The following COG6 variants were observed in gnomAD, a reference collection of about 807,000 sequenced individuals.
The protein encoded by COG6 is component of oligomeric golgi complex 6, also known as conserved oligomeric Golgi complex subunit 6.
In COG6, 74 loss-of-function variants were observed where a neutral mutation model predicts 88.8. That is an observed-to-expected ratio of 0.83 (90% CI 0.69 to 1.01). COG6 has a LOEUF of 1.01. Among genes scored for constraint, COG6 ranks in the 50% least tolerant of loss-of-function variants. The probability of loss-of-function intolerance (pLI) is 0.00; values close to 1 mark genes in which losing one functional copy is unlikely to be tolerated. For missense variants in COG6, 800 were observed against 797.9 expected (o/e 1.00, Z -0.03); for synonymous variants, 286 against 278.7 (o/e 1.03, Z -0.26).
Position 39,731,087 on chromosome 13 carries a change from T to C in COG6, c.1826+3539T>C, listed in dbSNP as rs116270937. Among the ~76,000 whole-genome samples the C allele has an allele frequency of 7.8e-3, 1,183 of 152,160 alleles. 22 individuals carry two copies. The highest frequency in any genetic ancestry group is 0.027 in the African/African-American group (1,130 of 41,532). On this transcript the variant is annotated intron_variant, in intron 18 of 18. Coordinates refer to ENST00000455146, the MANE Select transcript of COG6 (RefSeq NM_020751.3). ...ATACACCTGCCTTGACCTCCCAAAGTGCTGGGGTGACAGGCTTGATAGCAC... is the reference window on the plus strand; with the variant it reads ...ATACACCTGCCTTGACCTCCCAAAGCGCTGGGGTGACAGGCTTGATAGCAC...
intron 18 of COG6, among the ~76,000 whole-genome samples, chr13:39,746,543 C>T (rs1593470036): frequency 6.6e-6 from 1 of 152,244 alleles, no homozygotes; most frequent in East Asian, 1.9e-4. Context: ...ATTTGTTGGT[C>T]ATTTTGGATT....
chr13:39,752,283 T>C lies in COG6; in HGVS notation c.*1190T>C. On this transcript the variant is annotated 3_prime_UTR_variant, in exon 19 of 19. Transcript: ENST00000455146. The stretch of plus-strand genomic sequence containing the variant: ...AGTAATAACATAAAACTAGTATTTG[T>C]AGAAGATTATGTGTTGTATATAACA... The C allele has an allele frequency of 1.1e-6, 1 of 881,508 alleles. No individual in the cohort carries two copies. 54.6% of individuals were successfully genotyped at this position (881,508 alleles called of 1,614,324 possible). A position where few individuals can be genotyped will look rare whatever the true frequency, so the allele number is the denominator to read the frequency against.
At chr13:39,773,937 A>T (rs1034401187) in intron 18 of COG6, among the ~76,000 whole-genome samples, 1 of 151,188 alleles carries the variant, frequency 6.6e-6, no homozygotes, top group African/African-American at 2.4e-5. Flanking sequence ...TTAATCATAC[A>T]AGGGAATGTG....
At position 39,655,872 on chromosome 13, in the gene COG6, A is replaced by G; in HGVS notation, c.146A>G (p.Asn49Ser). 1 of 1,607,158 alleles carries G rather than the reference A, an allele frequency of 6.2e-7. No individual in the cohort carries two copies. Residue 49 changes from asparagine (N) to serine (S), a missense_variant, in exon 1 of 19, where the codon AAC becomes AGC. Physicochemically the swap from Asn to Ser is conservative, Grantham distance 46 (BLOSUM62 1). Coordinates refer to ENST00000455146, the MANE Select transcript of COG6 (RefSeq NM_020751.3). ...LHKILETRLD[N>S]DKEMLEALKA... Reference sequence around the variant, plus strand: ...AAGATCCTGGAGACGCGGCTGGACAACGACAAGGTAACCGGGGCTGGCGGG... The same window carrying G: ...AAGATCCTGGAGACGCGGCTGGACAGCGACAAGGTAACCGGGGCTGGCGGG...
At chr13:39,785,705 T>C (rs892562335) in intron 18 of COG6, among the ~76,000 whole-genome samples, 11 of 152,216 alleles carry the variant, frequency 7.2e-5, no homozygotes, top group Non-Finnish European at 8.8e-5. Flanking sequence ...TTATTTAATA[T>C]TTTTGATAGG....
chr13:39,682,445 A>G (rs1158641319), intron 8 of COG6, 181 bp downstream of exon 8: 1 of 550,450 alleles, frequency 1.8e-6, no homozygotes, highest in East Asian at 3.2e-5. Flanking sequence ...TGAATTTTAC[A>G]TACTATAGAA....
intron 18 of COG6, among the ~76,000 whole-genome samples, chr13:39,729,666 A>G (rs12584772): frequency 0.25 from 38,174 of 152,016 alleles, 4,793 homozygotes; most frequent in Non-Finnish European, 0.26. Context: ...AACTGAAACA[A>G]CGAGAACTTC....
At chr13:39,789,564 C>CACCTGCTCCACCCTGACTCATTCTGATT (rs56924181) in exon 19 of COG6, 3 of 149,522 alleles carry the variant, frequency 2.0e-5, no homozygotes, top group South Asian at 2.2e-4. Flanking sequence ...TCATTCCCAT[C>CACCTGCTCCACCCTGACTCATTCTGATT]ACCTGCTCCA....
At chr13:39,782,339 A>T (rs894843328) in intron 18 of COG6, among the ~76,000 whole-genome samples, 2 of 152,246 alleles carry the variant, frequency 1.3e-5, no homozygotes, top group Admixed American at 6.5e-5. Flanking sequence ...GACAACAGGT[A>T]GCTTAAGATA....
intron 18 of COG6, among the ~76,000 whole-genome samples, chr13:39,737,327 C>T (rs1879816825): frequency 6.6e-6 from 1 of 152,026 alleles, no homozygotes; most frequent in Admixed American, 6.6e-5. Flanking sequence ...ATGACTACTG[C>T]CTATGTTCCC....
In COG6 at chr13:39,751,802, C is replaced by T. The variant is rs934608507; in HGVS notation, c.*709C>T. On this transcript the variant is annotated 3_prime_UTR_variant, in exon 19 of 19. Transcript: ENST00000455146. ...GTGGATTCCACTCTGTGGGAGCCTT[C>T]GATGGAACTCAAGGTGGAGCTCAGC... The T allele has an allele frequency of 5.4e-6, 7 of 1,287,094 alleles. No homozygotes were observed. The highest frequency in any genetic ancestry group is 4.6e-5 in the Admixed American group (2 of 43,534). The allele number at this position is 1,287,094 out of a possible 1,614,324, so 79.7% of individuals were successfully genotyped here. A position where few individuals can be genotyped will look rare whatever the true frequency, so the allele number is the denominator to read the frequency against.
chr13:39,783,091 T>A (rs1422010793), intron 18 of COG6, among the ~76,000 whole-genome samples: 1 of 152,228 alleles, frequency 6.6e-6, no homozygotes, highest in African/African-American at 2.4e-5. Context: ...ATGTCTTTTT[T>A]ACAATTACTT....
At chr13:39,657,726 G>A (rs145081968) in intron 1 of COG6, among the ~76,000 whole-genome samples, 1 of 152,166 alleles carries the variant, frequency 6.6e-6, no homozygotes, top group Admixed American at 6.5e-5. Flanking sequence ...TATATCTGCA[G>A]AATTTAGTGT....
At chr13:39,756,956 G>A (rs552974380), downstream of COG6, among the ~76,000 whole-genome samples, 90 of 152,054 alleles carry the variant, frequency 5.9e-4, no homozygotes, top group African/African-American at 2.1e-3. Flanking sequence ...CAAGGAAATC[G>A]AACACTCAGT....
intron 4 of COG6, among the ~76,000 whole-genome samples, chr13:39,665,782 G>C (rs1875218817): frequency 1.3e-5 from 2 of 152,158 alleles, no homozygotes; most frequent in African/African-American, 2.4e-5. Flanking sequence ...CAGTAGTTGG[G>C]TACATCACTT....
At chr13:39,687,927 C>A in intron 10 of COG6, 128 bp downstream of exon 10, 1 of 716,252 alleles carries the variant, frequency 1.4e-6, no homozygotes, top group Non-Finnish European at 2.5e-6. Context: ...ATCCTGATTA[C>A]TCTTTCTCTT....
At chr13:39,776,745 G>T (rs1442581624) in intron 18 of COG6, among the ~76,000 whole-genome samples, 1 of 152,102 alleles carries the variant, frequency 6.6e-6, no homozygotes, top group Non-Finnish European at 1.5e-5. Flanking sequence ...CAGGTTATAG[G>T]GAATTTACCA....
intron 18 of COG6, among the ~76,000 whole-genome samples, chr13:39,783,791 C>G (rs1463073199): frequency 6.6e-6 from 1 of 152,204 alleles, no homozygotes; most frequent in Non-Finnish European, 1.5e-5. Flanking sequence ...GGCAGCTCCT[C>G]AAGCTAAGTG....
chr13:39,779,095 G>A (rs370028843), intron 18 of COG6, among the ~76,000 whole-genome samples: 2 of 152,056 alleles, frequency 1.3e-5, no homozygotes, highest in Non-Finnish European at 2.9e-5. Context: ...GTCACACTGC[G>A]TGACCTTGAG....
Sources: allele counts gnomAD v4.1 joint callset (sites outside exome capture counted in the v4.1 genomes callset), GRCh38; gene constraint gnomAD v4.1.1; transcripts MANE v1.5; gene names NCBI Gene and HGNC (gene_info 2026-07-23, HGNC 2026-07-21).